The following ROBO1 variants were observed in gnomAD, a reference collection of about 807,000 sequenced individuals.
The protein encoded by ROBO1 is roundabout homolog 1.
A neutral mutation model predicts 195.9 loss-of-function variants in ROBO1; 149 were observed. The observed-to-expected ratio is 0.76, with a 90% CI of 0.67 to 0.87. The LOEUF is 0.87. Ranked by LOEUF, ROBO1 falls within the 40% of genes least tolerant of loss-of-function variation. The pLI, the probability that ROBO1 is intolerant of heterozygous loss-of-function variation, is 0.00. For missense variants in ROBO1, 1,933 were observed against 2,068.3 expected (o/e 0.93, Z 1.27); for synonymous variants, 816 against 733.2 (o/e 1.11, Z -1.82).
Position 79,699,083 on chromosome 3 carries a change from T to TA in ROBO1, c.-51+68668_-51+68669insT, listed in dbSNP as rs1560110574. Among the ~76,000 whole-genome samples the TA allele has an allele frequency of 3.7e-4, 54 of 147,444 alleles. No homozygotes were observed. The South Asian group carries it at 6.8e-3, about 19-fold the overall frequency. On this transcript the variant is annotated intron_variant, in intron 1 of 30. Transcript: ENST00000464233. ...ATAACTAAGATATATATTTATTAAT[T>TA]TATATATATATATATGACATTAACA...
At position 79,320,285 on chromosome 3, in the gene ROBO1, T is replaced by C. The variant is rs139076050; in HGVS notation, c.89-194746A>G. On this transcript the variant is annotated intron_variant, in intron 2 of 30. Coordinates refer to ENST00000464233, the MANE Select transcript of ROBO1 (RefSeq NM_002941.4). ...ATTAAGCAGGTGCGAATCCCATCCATGAGGACTCCACCTTCGTGAACTCAT... is the reference window on the plus strand; with the variant it reads ...ATTAAGCAGGTGCGAATCCCATCCACGAGGACTCCACCTTCGTGAACTCAT... Among the ~76,000 whole-genome samples, 933 of 152,254 alleles carry C rather than the reference T, an allele frequency of 6.1e-3. 14 individuals are homozygous for C. Among genetic ancestry groups the C allele is most frequent in the African/African-American group, 0.021 (885 of 41,558 alleles).
At chr3:78,678,408 C>G (rs1488616627) in intron 10 of ROBO1, among the ~76,000 whole-genome samples, 1 of 151,902 alleles carries the variant, frequency 6.6e-6, no homozygotes, top group East Asian at 1.9e-4. Flanking sequence ...AAAGGATCAA[C>G]AAAATTGATA....
At chr3:79,425,257 G>A (rs951151566) in intron 2 of ROBO1, among the ~76,000 whole-genome samples, 1 of 152,066 alleles carries the variant, frequency 6.6e-6, no homozygotes, top group Non-Finnish European at 1.5e-5. Context: ...TGTTAGAAAC[G>A]GACCACGCTT....
chr3:79,649,437 TTC>T lies in ROBO1; in HGVS notation c.-50-59478_-50-59477del, dbSNP rs138004835. Among the ~76,000 whole-genome samples, 371 of 152,160 alleles carry T rather than the reference TTC, an allele frequency of 2.4e-3. 1 individual carries two copies. The highest frequency in any genetic ancestry group is 8.7e-3 in the African/African-American group (363 of 41,550). ...AGACTTCCCATTTATAGACTACATT[TTC>T]TAATAATAATTGAATTAAAATTCTA... On this transcript the variant is annotated intron_variant, in intron 1 of 30. Transcript: ENST00000464233.
At chr3:79,561,853 A>G (rs1278932704) in intron 2 of ROBO1, among the ~76,000 whole-genome samples, 10 of 152,264 alleles carry the variant, frequency 6.6e-5, no homozygotes, top group African/African-American at 1.2e-4. Context: ...GAAAAATTCT[A>G]CATGTCTATT....
chr3:79,024,811 G>T (rs370373543), intron 3 of ROBO1, among the ~76,000 whole-genome samples: 4 of 152,100 alleles, frequency 2.6e-5, no homozygotes, highest in African/African-American at 9.7e-5. Context: ...TGCATATGAC[G>T]GTTACTTGGC....
chr3:79,155,136 G>C (rs560102918), intron 2 of ROBO1, among the ~76,000 whole-genome samples: 1 of 151,628 alleles, frequency 6.6e-6, no homozygotes, highest in African/African-American at 2.4e-5. Flanking sequence ...CTCAAACACT[G>C]AGTAGCACCA....
chr3:79,291,421 G>C (rs2032241560), intron 2 of ROBO1, among the ~76,000 whole-genome samples: 2 of 151,898 alleles, frequency 1.3e-5, no homozygotes. Context: ...TTCTTCACCT[G>C]GTAATTTCAA....
At chr3:79,068,393 A>G (rs1453478896) in intron 3 of ROBO1, among the ~76,000 whole-genome samples, 1 of 151,876 alleles carries the variant, frequency 6.6e-6, no homozygotes, top group Non-Finnish European at 1.5e-5. Flanking sequence ...CTGTTTTTCA[A>G]AGTAATTACC....
intron 2 of ROBO1, among the ~76,000 whole-genome samples, chr3:79,419,846 A>T (rs1199327431): frequency 1.3e-5 from 2 of 152,112 alleles, no homozygotes; most frequent in Non-Finnish European, 2.9e-5. Flanking sequence ...CTCTTTGAAG[A>T]CTAACATTTG....
Position 78,685,901 on chromosome 3 carries a change from T to C in ROBO1, c.1187A>G (p.Tyr396Cys), listed in dbSNP as rs775229262. The C allele has an allele frequency of 3.1e-6, 5 of 1,595,044 alleles. No homozygotes were observed. The highest frequency in any genetic ancestry group is 1.1e-5 in the South Asian group (1 of 88,324). Reference sequence around the variant, plus strand: ...TCGGCTGGATGACTGTGGTGGTTGATATGAGAAAAGTAGATTCTAGAACCC... The same window carrying C: ...TCGGCTGGATGACTGTGGTGGTTGACATGAGAAAAGTAGATTCTAGAACCC... ...REGSQNLLFS[Y>C]QPPQSSSRFS... The change falls in exon 10 of 31, where the codon TAT (tyrosine) becomes TGT (cysteine). Residue 396 changes from tyrosine (Y) to cysteine (C), a missense_variant. Tyr to Cys is a radical substitution (Grantham distance 194). Coordinates refer to ENST00000464233, the MANE Select transcript of ROBO1 (RefSeq NM_002941.4).
chr3:79,473,931 T>C (rs114301043), intron 2 of ROBO1, among the ~76,000 whole-genome samples: 2 of 152,216 alleles, frequency 1.3e-5, no homozygotes, highest in South Asian at 4.1e-4. Flanking sequence ...AAATTATGTC[T>C]AAGAAATATG....
At chr3:78,667,601 A>C (rs946771906) in intron 14 of ROBO1, among the ~76,000 whole-genome samples, 2 of 151,758 alleles carry the variant, frequency 1.3e-5, no homozygotes, top group Non-Finnish European at 2.9e-5. Context: ...CCATCATTCT[A>C]CTTTCCATCT....
intron 2 of ROBO1, among the ~76,000 whole-genome samples, chr3:79,442,781 A>G (rs1041794869): frequency 6.6e-6 from 1 of 152,180 alleles, no homozygotes; most frequent in African/African-American, 2.4e-5. Context: ...CTCCAAGGGA[A>G]GACCTCCTCA....
rs138583998 is a variant in ROBO1, at chr3:78,801,841, A to G, written c.500-54941T>C. On this transcript the variant is annotated intron_variant, in intron 4 of 30. Coordinates refer to ENST00000464233, the MANE Select transcript of ROBO1 (RefSeq NM_002941.4). Reference sequence around the variant, plus strand: ...GAAAACATTTTGTGGGACATTTACAAATGTGATATATAAGGCATGACAAAA... The same window carrying G: ...GAAAACATTTTGTGGGACATTTACAGATGTGATATATAAGGCATGACAAAA... Among the ~76,000 whole-genome samples, 546 of 152,306 alleles carry G rather than the reference A, an allele frequency of 3.6e-3. 4 individuals carry two copies. The highest frequency in any genetic ancestry group is 0.012 in the African/African-American group (503 of 41,570).
At chr3:78,969,476 T>A (rs2076716895) in intron 3 of ROBO1, among the ~76,000 whole-genome samples, 1 of 152,226 alleles carries the variant, frequency 6.6e-6, no homozygotes, top group Admixed American at 6.6e-5. Context: ...CAGAGTAAGG[T>A]TGACAATAAC....
At chr3:79,525,083 A>G (rs1941369394) in intron 2 of ROBO1, among the ~76,000 whole-genome samples, 2 of 151,794 alleles carry the variant, frequency 1.3e-5, no homozygotes, top group African/African-American at 4.8e-5. Flanking sequence ...TTCTTATGTT[A>G]TATTCTCCCT....
chr3:79,486,687 A>G (rs1304565808), intron 2 of ROBO1, among the ~76,000 whole-genome samples: 1 of 152,194 alleles, frequency 6.6e-6, no homozygotes, highest in Non-Finnish European at 1.5e-5. Flanking sequence ...TATATTCACA[A>G]TAGTTTCAAA....
intron 2 of ROBO1, among the ~76,000 whole-genome samples, chr3:79,313,774 T>TACCTTTA (rs1440048415): frequency 6.6e-6 from 1 of 152,180 alleles, no homozygotes; most frequent in Non-Finnish European, 1.5e-5. Flanking sequence ...GTTGTTAAGT[T>TACCTTTA]ACTACACAGT....
Sources: gnomAD v4.1 joint callset for allele counts (sites outside exome capture counted in the v4.1 genomes callset) on GRCh38, gnomAD v4.1.1 for gene constraint, MANE v1.5 for transcripts, NCBI Gene and HGNC (gene_info 2026-07-23, HGNC 2026-07-21) for gene names.